Variants in SV2B observed in about 807,000 individuals in gnomAD.
The protein encoded by SV2B is solute carrier family 22 member B2.
In SV2B, 41 loss-of-function variants were observed where a neutral mutation model predicts 73.9. The ratio of observed to expected loss-of-function variants is 0.56; its 90% confidence interval spans 0.43 to 0.72. The LOEUF (loss-of-function observed/expected upper bound fraction) is 0.72. Ranked by LOEUF, SV2B falls within the 30% of genes least tolerant of loss-of-function variation. The pLI, the probability that SV2B is intolerant of heterozygous loss-of-function variation, is 0.00. For missense variants in SV2B, 764 were observed against 857.8 expected (o/e 0.89, Z 1.37); for synonymous variants, 314 against 314.2 (o/e 1.00, Z 0.01).
intron 1 of SV2B, among the ~76,000 whole-genome samples, chr15:91,217,044 C>T (rs534068171): frequency 5.2e-4 from 79 of 152,004 alleles, no homozygotes; most frequent in African/African-American, 1.8e-3. Flanking sequence ...TGTGCCACCA[C>T]GCTCGGCTAA....
At position 91,223,278 on chromosome 15, in the gene SV2B, C is replaced by A. The variant is rs1249827369; in HGVS notation, c.-391-2595C>A. ...TGCCGGCAGTCAGAACTTCAACATA[C>A]CTTCACGCTATAGGGACACAATTCA... On this transcript the variant is annotated intron_variant, in intron 1 of 12. Transcript: ENST00000394232. The surrounding 1 kb of genome is among the most constrained non-coding windows in gnomAD (Gnocchi z 4.6). Among the ~76,000 whole-genome samples, 1 of 152,184 alleles carries A rather than the reference C, an allele frequency of 6.6e-6. No homozygotes were observed. The highest frequency in any genetic ancestry group is 1.9e-4 in the East Asian group (1 of 5,200).
Position 91,221,693 on chromosome 15 carries a change from G to GCGCGCGCGCACACACACACACA in SV2B, c.-391-4179_-391-4178insGCGCGCGCACACACACACACAC, listed in dbSNP as rs370290337. Among the ~76,000 whole-genome samples, 528 of 140,138 alleles carry GCGCGCGCGCACACACACACACA rather than the reference G, an allele frequency of 3.8e-3. 6 individuals carry two copies. Among genetic ancestry groups the GCGCGCGCGCACACACACACACA allele is most frequent in the African/African-American group, 0.014 (504 of 35,798 alleles). 91.9% of individuals were successfully genotyped at this position (140,138 alleles called of 152,430 possible). A position where few individuals can be genotyped will look rare whatever the true frequency, so the allele number is the denominator to read the frequency against. On this transcript the variant is annotated intron_variant, in intron 1 of 12. Transcript: ENST00000394232. ...CTGTGGACTATTACCAAGCATGTGC[G>GCGCGCGCGCACACACACACACA]CACACACACACACACACACACACAC...
chr15:91,257,520 T>C (rs2047740311), intron 4 of SV2B, among the ~76,000 whole-genome samples: 1 of 152,248 alleles, frequency 6.6e-6, no homozygotes, highest in Non-Finnish European at 1.5e-5. Context: ...GAGCTAGTTA[T>C]CTTCCCATTT....
At chr15:91,159,296 A>G (rs143501812) in intron 1 of SV2B, among the ~76,000 whole-genome samples, 1 of 152,278 alleles carries the variant, frequency 6.6e-6, no homozygotes, top group East Asian at 1.9e-4. Context: ...CAAATGATTT[A>G]CTAGGTATTT....
intron 1 of SV2B, among the ~76,000 whole-genome samples, chr15:91,153,659 G>A (rs183670480): frequency 1.9e-4 from 29 of 152,300 alleles, no homozygotes; most frequent in African/African-American, 6.5e-4. Context: ...CGGTGCCTGG[G>A]TGGATTTTAG....
At chr15:91,272,446 G>A (rs573057171) in intron 9 of SV2B, among the ~76,000 whole-genome samples, 1 of 152,176 alleles carries the variant, frequency 6.6e-6, no homozygotes, top group South Asian at 2.1e-4. Context: ...TGCACATCAG[G>A]GAGAGATGCC....
intron 2 of SV2B, among the ~76,000 whole-genome samples, chr15:91,237,022 G>A (rs2046811928): frequency 1.3e-5 from 2 of 152,082 alleles, no homozygotes; most frequent in Middle Eastern, 3.4e-3. Context: ...CTTTGCCTCA[G>A]AAGTCAGGCA....
intron 11 of SV2B, among the ~76,000 whole-genome samples, chr15:91,285,454 G>T (rs1212143100): frequency 6.6e-6 from 1 of 152,194 alleles, no homozygotes; most frequent in Non-Finnish European, 1.5e-5. Flanking sequence ...GAACTGATCA[G>T]AACGGAAGAA....
intron 1 of SV2B, among the ~76,000 whole-genome samples, chr15:91,156,722 A>G (rs951264313): frequency 3.9e-5 from 6 of 152,172 alleles, no homozygotes; most frequent in Non-Finnish European, 5.9e-5. Context: ...TTTTCTATCA[A>G]TTTAGAGTGA....
At position 91,289,413 on chromosome 15, in the gene SV2B, G is replaced by A; in HGVS notation, c.1709-108G>A. On this transcript the variant is annotated intron_variant, in intron 11 of 12. Transcript: ENST00000394232. The surrounding 1 kb of genome is among the most constrained non-coding windows in gnomAD (Gnocchi z 4.9). ...GAACCTAATACTTCAGGCAGCCTTG[G>A]CTTCAGGTGTACCAGTGAGGGTGGG... 1 of 1,419,338 alleles carries A rather than the reference G, an allele frequency of 7.0e-7. No homozygotes were observed. The allele number at this position is 1,419,338 out of a possible 1,614,324, so 87.9% of individuals were successfully genotyped here. A position where few individuals can be genotyped will look rare whatever the true frequency, so the allele number is the denominator to read the frequency against.
At chr15:91,112,329 G>T (rs138518752) in intron 1 of SV2B, among the ~76,000 whole-genome samples, 1 of 152,258 alleles carries the variant, frequency 6.6e-6, no homozygotes, top group South Asian at 2.1e-4. Flanking sequence ...TGGTGAGATC[G>T]CCGCTGTCCT....
At chr15:91,160,811 T>C (rs2043688144) in intron 1 of SV2B, among the ~76,000 whole-genome samples, 4 of 151,920 alleles carry the variant, frequency 2.6e-5, no homozygotes, top group African/African-American at 7.2e-5. Flanking sequence ...TTGATACACA[T>C]TTAGAAAAAA....
chr15:91,256,497 G>C (rs145351661), intron 4 of SV2B, among the ~76,000 whole-genome samples: 1 of 152,144 alleles, frequency 6.6e-6, no homozygotes, highest in East Asian at 1.9e-4. Context: ...GTGTGGTTTC[G>C]ATCACCTTTA....
At position 91,267,203 on chromosome 15, in the gene SV2B, G is replaced by GGTCTTCC; in HGVS notation, c.1120-352_1120-351insGTCTTCC. Among the ~76,000 whole-genome samples, 1 of 152,242 alleles carries GGTCTTCC rather than the reference G, an allele frequency of 6.6e-6. No homozygotes were observed. Among genetic ancestry groups the GGTCTTCC allele is most frequent in the Non-Finnish European group, 1.5e-5 (1 of 68,030 alleles). ...GGTTGGCCTTCATGGTGTATGGTCAGTAAATGTTTGCAATATCCCCCTTGC... is the reference window on the plus strand; with the variant it reads ...GGTTGGCCTTCATGGTGTATGGTCAGGTCTTCCTAAATGTTTGCAATATCCCCCTTGC... On this transcript the variant is annotated intron_variant, in intron 7 of 12. Coordinates refer to ENST00000394232, the MANE Select transcript of SV2B (RefSeq NM_001323032.3). This position sits in a 1 kb window ranked among gnomAD's most constrained non-coding sequence, Gnocchi z 4.3.
At chr15:91,147,131 G>A (rs1194366024) in intron 1 of SV2B, among the ~76,000 whole-genome samples, 1 of 152,174 alleles carries the variant, frequency 6.6e-6, no homozygotes, top group Non-Finnish European at 1.5e-5. Context: ...CCAAAAAAAT[G>A]AATTTGTCTT....
chr15:91,270,677 C>G (rs1269239595), intron 9 of SV2B, among the ~76,000 whole-genome samples: 2 of 152,222 alleles, frequency 1.3e-5, no homozygotes, highest in African/African-American at 4.8e-5. Context: ...TTTTGATCCA[C>G]TCTGTCATTT....
intron 1 of SV2B, among the ~76,000 whole-genome samples, chr15:91,216,727 T>A (rs1482190381): frequency 1.3e-5 from 2 of 151,600 alleles, no homozygotes; most frequent in Non-Finnish European, 2.9e-5. Flanking sequence ...CGCCTCGGCC[T>A]CCCAAAGTGC....
Position 91,214,723 on chromosome 15 carries a change from T to C in SV2B, c.-391-11150T>C, listed in dbSNP as rs77033439. On this transcript the variant is annotated intron_variant, in intron 1 of 12. Coordinates refer to ENST00000394232, the MANE Select transcript of SV2B (RefSeq NM_001323032.3). The surrounding 1 kb of genome is among the most constrained non-coding windows in gnomAD (Gnocchi z 4.7). ...TGGCAAGCTGCCCATAATTGGTCTTTGTTAGGGCTTCCTTCCCCATTCCAC... is the reference window on the plus strand; with the variant it reads ...TGGCAAGCTGCCCATAATTGGTCTTCGTTAGGGCTTCCTTCCCCATTCCAC... 7.7e-3 allele frequency among the ~76,000 whole-genome samples: 1,180 copies of C among 152,364 alleles called. 13 individuals are homozygous for C. Among genetic ancestry groups the C allele is most frequent in the African/African-American group, 0.027 (1,124 of 41,576 alleles).
At position 91,132,001 on chromosome 15, in the gene SV2B, G is replaced by A. The variant is rs1235143690; in HGVS notation, c.-392+31638G>A. Among the ~76,000 whole-genome samples, 1 of 152,170 alleles carries A rather than the reference G, an allele frequency of 6.6e-6. No individual in the cohort carries two copies. ...ATAAACAAACAAAACTTAGCCAAGT[G>A]TGGTGATGTCACTGGTAGAGGGTCG... On this transcript the variant is annotated intron_variant, in intron 1 of 12. Coordinates refer to ENST00000394232, the MANE Select transcript of SV2B (RefSeq NM_001323032.3). The surrounding 1 kb of genome is among the most constrained non-coding windows in gnomAD (Gnocchi z 4.6).
Sources: gnomAD v4.1 joint callset for allele counts (sites outside exome capture counted in the v4.1 genomes callset) on GRCh38, gnomAD v4.1.1 for gene constraint, Gnocchi (gnomAD v3.1) non-coding constraint, MANE v1.5 for transcripts, NCBI Gene and HGNC (gene_info 2026-07-23, HGNC 2026-07-21) for gene names.